The following PCDHA13 variants were observed in gnomAD, a reference collection of about 807,000 sequenced individuals.
PCDHA13 encodes the protein protocadherin alpha 13, also known as protocadherin alpha-13.
In PCDHA13, 54 loss-of-function variants were observed where a neutral mutation model predicts 64.8. The ratio of observed to expected loss-of-function variants is 0.83; its 90% CI spans 0.67 to 1.04. The LOEUF is 1.04. Among genes scored for constraint, PCDHA13 ranks in the 50% least tolerant of loss-of-function variants. The pLI, the probability that PCDHA13 is intolerant of heterozygous loss-of-function variation, is 0.00. For missense variants in PCDHA13, 1,248 were observed against 1,254.3 expected (o/e 0.99, Z 0.08); for synonymous variants, 587 against 564.4 (o/e 1.04, Z -0.57).
intron 3 of PCDHA13, among the ~76,000 whole-genome samples, chr5:140,986,402 A>G (rs782590214): frequency 6.6e-6 from 1 of 152,192 alleles, no homozygotes; most frequent in Non-Finnish European, 1.5e-5. Context: ...CCAGTCGCTC[A>G]TGTTACAGCT....
chr5:140,939,579 A>AT (rs2153642013), intron 1 of PCDHA13, among the ~76,000 whole-genome samples: 1 of 152,306 alleles, frequency 6.6e-6, no homozygotes, highest in African/African-American at 2.4e-5. Context: ...AAAATGGAAA[A>AT]TTTTAACATA....
chr5:141,010,136 CTCTT>C lies in PCDHA13; in HGVS notation c.*203_*206del, dbSNP rs782073868. The C allele has an allele frequency of 1.9e-6, 3 of 1,594,824 alleles. No homozygotes were observed. Among genetic ancestry groups the C allele is most frequent in the Non-Finnish European group, 2.6e-6 (3 of 1,169,724 alleles). On this transcript the variant is annotated 3_prime_UTR_variant, in exon 4 of 4. Transcript: ENST00000289272. ...AAAGCTTTACTAAGTCTGGTGTTAACTCTTTCTCTCCACTCTGGCTTGTTTTCAG... is the reference window on the plus strand; with the variant it reads ...AAAGCTTTACTAAGTCTGGTGTTAACTCTCTCCACTCTGGCTTGTTTTCAG...
At chr5:140,890,738 A>G (rs1283898948) in intron 1 of PCDHA13, among the ~76,000 whole-genome samples, 1 of 152,200 alleles carries the variant, frequency 6.6e-6, no homozygotes. Context: ...TGACTTATAT[A>G]CTATTTCTGT....
rs373922357 is a variant in PCDHA13, at chr5:140,927,079, G to A, written c.2394+42417G>A. ...CTTTCGCTTCCTTTCCAGCCACCGC[G>A]AGCTCTACTTCGGGGTGGATCTACC... On this transcript the variant is annotated intron_variant, in intron 1 of 3. Transcript: ENST00000289272. 2.5e-6 allele frequency: 4 copies of A among 1,610,988 alleles called. No homozygotes were observed. The highest frequency in any genetic ancestry group is 2.5e-6 in the Non-Finnish European group (3 of 1,177,702).
At chr5:140,933,212 T>C (rs2088935461) in intron 1 of PCDHA13, among the ~76,000 whole-genome samples, 1 of 151,682 alleles carries the variant, frequency 6.6e-6, no homozygotes, top group African/African-American at 2.4e-5. Context: ...ATTACATGTC[T>C]GTTATATTGC....
chr5:140,985,394 A>C (rs2097150028), intron 3 of PCDHA13, among the ~76,000 whole-genome samples: 1 of 152,084 alleles, frequency 6.6e-6, no homozygotes, highest in South Asian at 2.1e-4. Context: ...AGTCACCCCA[A>C]CTGTTCCCCT....
intron 3 of PCDHA13, chr5:140,989,112 T>C (rs1312650713): frequency 1.3e-5 from 2 of 152,222 alleles, no homozygotes; most frequent in Non-Finnish European, 2.9e-5. Context: ...CTTTTGAATA[T>C]ATCTTAGAAA....
rs2059560429 is a variant in PCDHA13, at chr5:140,883,340, C to T, written c.1072C>T (p.Pro358Ser). 6.2e-7 allele frequency: 1 copy of T among 1,614,140 alleles called. No individual in the cohort carries two copies. Among genetic ancestry groups the T allele is most frequent in the Non-Finnish European group, 8.5e-7 (1 of 1,180,028 alleles). Residue 358 changes from proline (P) to serine (S), a missense_variant, in exon 1 of 4, where the codon CCC (proline) becomes TCC (serine). Transcript: ENST00000289272. ...GGTTACCATCACTTCTTTGTCACTC[C>T]CCATCAGAGAAGACACTCAGCCTAG... Reference protein sequence around the residue: ...PEVTITSLSLPIREDTQPSAI... With the variant: ...PEVTITSLSLSIREDTQPSAI...
At chr5:140,935,382 T>G (rs1475831801) in intron 1 of PCDHA13, among the ~76,000 whole-genome samples, 1 of 152,218 alleles carries the variant, frequency 6.6e-6, no homozygotes, top group Non-Finnish European at 1.5e-5. Flanking sequence ...AATTACTCAT[T>G]TGTTATCCCA....
intron 1 of PCDHA13, among the ~76,000 whole-genome samples, chr5:140,923,489 A>G (rs549066009): frequency 2.2e-4 from 34 of 152,300 alleles, no homozygotes; most frequent in African/African-American, 7.5e-4. Context: ...TCTTCACACC[A>G]CTGCACTCCA....
intron 1 of PCDHA13, among the ~76,000 whole-genome samples, chr5:140,939,231 G>A (rs1305244022): frequency 6.6e-6 from 1 of 152,134 alleles, no homozygotes; most frequent in East Asian, 1.9e-4. Context: ...TCACCTTCTG[G>A]AAGGAGCAAG....
At chr5:140,925,641 T>TATA (rs10569930) in intron 1 of PCDHA13, among the ~76,000 whole-genome samples, 50,126 of 143,032 alleles carry the variant, frequency 0.35, 8,990 homozygotes, top group South Asian at 0.5. Context: ...GAACTTAAAG[T>TATA]ATAATAATAA....
At chr5:140,983,583 CT>C (rs2153831802) in intron 3 of PCDHA13, among the ~76,000 whole-genome samples, 1 of 152,306 alleles carries the variant, frequency 6.6e-6, no homozygotes, top group African/African-American at 2.4e-5. Context: ...TTTATTACAT[CT>C]ATTCTACATA....
Position 140,883,704 on chromosome 5 carries a change from C to A in PCDHA13, c.1436C>A (p.Ala479Asp), listed in dbSNP as rs782488934. The A allele has an allele frequency of 1.9e-5, 31 of 1,613,628 alleles. 1 individual carries two copies. In the Middle Eastern group the frequency reaches 5.0e-4, roughly 26 times the overall value. ...PPGCHIFTVS[A>D]QDADAQENAL... ...GGCTGCCACATCTTCACGGTGTCTG[C>A]TCAGGACGCGGACGCACAGGAGAAC... The change falls in exon 1 of 4, where the codon GCT becomes GAT. Residue 479 changes from alanine (A) to aspartate (D), a missense_variant. Ala to Asp is a moderately radical substitution (Grantham distance 126). Transcript: ENST00000289272.
chr5:140,959,592 G>A (rs2095498598), intron 1 of PCDHA13, among the ~76,000 whole-genome samples: 2 of 152,162 alleles, frequency 1.3e-5, no homozygotes, highest in South Asian at 4.1e-4. Flanking sequence ...TATCAGCCAA[G>A]TATAACATGC....
intron 1 of PCDHA13, among the ~76,000 whole-genome samples, chr5:140,910,422 C>T (rs1184807086): frequency 6.6e-6 from 1 of 152,148 alleles, no homozygotes; most frequent in Non-Finnish European, 1.5e-5. Flanking sequence ...TCCAATTATT[C>T]CCATTGCATT....
chr5:140,900,180 T>G (rs1223345758), intron 1 of PCDHA13, among the ~76,000 whole-genome samples: 3 of 152,228 alleles, frequency 2.0e-5, no homozygotes, highest in Non-Finnish European at 4.4e-5. Context: ...CTGGTTTATG[T>G]CACTTATAAT....
chr5:140,896,959 T>C (rs1486927062), intron 1 of PCDHA13, among the ~76,000 whole-genome samples: 1 of 152,204 alleles, frequency 6.6e-6, no homozygotes, highest in Non-Finnish European at 1.5e-5. Context: ...CCTTAAACAT[T>C]TATTCTTTGC....
At position 141,010,146 on chromosome 5, in the gene PCDHA13, C is replaced by A. The variant is rs782795358; in HGVS notation, c.*209C>A. 1 of 1,584,410 alleles carries A rather than the reference C, an allele frequency of 6.3e-7. No individual in the cohort carries two copies. Among genetic ancestry groups the A allele is most frequent in the Non-Finnish European group, 8.6e-7 (1 of 1,164,258 alleles). The stretch of plus-strand genomic sequence containing the variant: ...TAAGTCTGGTGTTAACTCTTTCTCT[C>A]CACTCTGGCTTGTTTTCAGAACCTA... On this transcript the variant is annotated 3_prime_UTR_variant, in exon 4 of 4. Transcript: ENST00000289272.
Sources: allele counts gnomAD v4.1 joint callset (sites outside exome capture counted in the v4.1 genomes callset), GRCh38; gene constraint gnomAD v4.1.1; transcripts MANE v1.5; gene names NCBI Gene and HGNC (gene_info 2026-07-23, HGNC 2026-07-21).